The following MSI2 variants were observed in gnomAD, a reference collection of about 807,000 sequenced individuals.
MSI2 encodes RNA-binding protein Musashi homolog 2.
In MSI2, 17 loss-of-function variants were observed where a neutral mutation model predicts 45.6. That is an observed-to-expected ratio of 0.37 (90% CI 0.26 to 0.56). The LOEUF is 0.56. MSI2 is among the 20% of genes least tolerant of loss of function. The pLI, the probability that MSI2 is intolerant of heterozygous loss-of-function variation, is 0.77. For missense variants in MSI2, 293 were observed against 444.2 expected (o/e 0.66, Z 3.06); for synonymous variants, 156 against 158.2 (o/e 0.99, Z 0.11).
intron 8 of MSI2, among the ~76,000 whole-genome samples, chr17:57,606,900 G>A (rs992586025): frequency 1.3e-5 from 2 of 151,974 alleles, no homozygotes; most frequent in African/African-American, 4.8e-5. Flanking sequence ...GGTGATGGGG[G>A]GGGGTGGCTG....
chr17:57,454,438 C>CTT (rs35707042), intron 6 of MSI2, among the ~76,000 whole-genome samples: 2,122 of 130,104 alleles, frequency 0.016, 67 homozygotes, highest in African/African-American at 0.047. Flanking sequence ...TTTTCTCTTT[C>CTT]TTTTTTTTTT....
Position 57,529,602 on chromosome 17 carries a change from C to T in MSI2, c.406-74C>T, listed in dbSNP as rs573141293. The T allele has an allele frequency of 1.1e-4, 152 of 1,400,424 alleles. No individual in the cohort carries two copies. In the Middle Eastern group the frequency reaches 1.8e-3, roughly 16 times the overall value. The allele number at this position is 1,400,424 out of a possible 1,614,324, so 86.7% of individuals were successfully genotyped here. The stretch of plus-strand genomic sequence containing the variant: ...GTAATGGAAACTACCCCCTCACCCC[C>T]CGACATGCATATAATGTTTTGTGTA... On this transcript the variant is annotated intron_variant, in intron 6 of 13. Transcript: ENST00000284073. This position sits in a 1 kb window ranked among gnomAD's most constrained non-coding sequence, Gnocchi z 5.3.
intron 6 of MSI2, among the ~76,000 whole-genome samples, chr17:57,492,439 ATCTAAG>A (rs1246980239): frequency 2.0e-5 from 3 of 152,338 alleles, no homozygotes; most frequent in Middle Eastern, 3.4e-3. Flanking sequence ...TCAAATAGAT[ATCTAAG>A]TCTTTGGCAG....
intron 7 of MSI2, among the ~76,000 whole-genome samples, chr17:57,543,762 T>C (rs1025787980): frequency 2.6e-5 from 4 of 152,202 alleles, no homozygotes; most frequent in African/African-American, 9.6e-5. Context: ...TTTTCAAAAA[T>C]GGGTAAGATT....
intron 6 of MSI2, chr17:57,450,309 AAGAAAGAAAG>A (rs1450812926): frequency 6.3e-5 from 9 of 142,264 alleles, no homozygotes; most frequent in African/African-American, 1.3e-4. Flanking sequence ...GAAAGAAAGA[AAGAAAGAAAG>A]AAAACCTTTG....
At chr17:57,334,476 C>T (rs1458535184) in intron 5 of MSI2, among the ~76,000 whole-genome samples, 1 of 152,060 alleles carries the variant, frequency 6.6e-6, no homozygotes, top group Non-Finnish European at 1.5e-5. Context: ...CCTCTGAAAG[C>T]AACACTCCCC....
At chr17:57,696,497 T>C in the MSI2 span, among the ~76,000 whole-genome samples, 1 of 152,188 alleles carries the variant, frequency 6.6e-6, no homozygotes, top group Non-Finnish European at 1.5e-5. Context: ...CCCAATGTTT[T>C]GGGAGGCCAA....
intron 7 of MSI2, among the ~76,000 whole-genome samples, chr17:57,544,236 G>A (rs870780): frequency 0.64 from 96,803 of 152,008 alleles, 30,928 homozygotes; most frequent in Middle Eastern, 0.7. Context: ...CAAAATAGGA[G>A]AGAAGACACC....
intron 5 of MSI2, among the ~76,000 whole-genome samples, chr17:57,297,688 T>G (rs1255089813): frequency 6.6e-6 from 1 of 152,244 alleles, no homozygotes; most frequent in African/African-American, 2.4e-5. Flanking sequence ...TTACCCACAG[T>G]AGAACTTCTT....
In MSI2 at chr17:57,277,636, TG is replaced by T. The variant is rs144161247; in HGVS notation, c.312+15446del. ...GGCAGACAGTCTTAGGGTTTCTTTC[TG>T]GCATAATAGTTTCCTAGCTGCTTGA... On this transcript the variant is annotated intron_variant, in intron 5 of 13. Transcript: ENST00000284073. Among the ~76,000 whole-genome samples, 953 of 152,360 alleles carry T rather than the reference TG, an allele frequency of 6.3e-3. 4 individuals carry two copies. The highest frequency in any genetic ancestry group is 0.024 in the Middle Eastern group (7 of 294).
chr17:57,649,344 C>T (rs1426265104), intron 10 of MSI2, among the ~76,000 whole-genome samples: 1 of 151,104 alleles, frequency 6.6e-6, no homozygotes, highest in Non-Finnish European at 1.5e-5. Context: ...CCACATACGC[C>T]CAACACATAT....
At chr17:57,622,587 T>C (rs1022771298) in intron 9 of MSI2, among the ~76,000 whole-genome samples, 12 of 151,902 alleles carry the variant, frequency 7.9e-5, no homozygotes, top group African/African-American at 2.9e-4. Flanking sequence ...GGTGCAGTCG[T>C]ACTGAGAAGC....
At chr17:57,624,326 T>C (rs1396510660) in intron 9 of MSI2, among the ~76,000 whole-genome samples, 1 of 152,198 alleles carries the variant, frequency 6.6e-6, no homozygotes, top group African/African-American at 2.4e-5. Flanking sequence ...TTGCATATAA[T>C]CCATTTATCA....
intron 6 of MSI2, among the ~76,000 whole-genome samples, chr17:57,490,812 C>G (rs1274238223): frequency 6.6e-6 from 1 of 152,206 alleles, no homozygotes; most frequent in Non-Finnish European, 1.5e-5. Context: ...TCCAATCTTC[C>G]AGATTTTCTG....
In MSI2 at chr17:57,262,203, G is replaced by A. The variant is rs766301726; in HGVS notation, c.312+11G>A. 1.9e-6 allele frequency: 3 copies of A among 1,613,686 alleles called. No homozygotes were observed. Among genetic ancestry groups the A allele is most frequent in the Non-Finnish European group, 2.5e-6 (3 of 1,179,846 alleles). ...CGAGCGCAACCCAAGGTAAGTAGGAGAATAAACAGTAGGATTTTAGCACTC... is the reference window on the plus strand; with the variant it reads ...CGAGCGCAACCCAAGGTAAGTAGGAAAATAAACAGTAGGATTTTAGCACTC... On this transcript the variant is annotated intron_variant, in intron 5 of 13. Coordinates refer to ENST00000284073, the MANE Select transcript of MSI2 (RefSeq NM_138962.4).
intron 6 of MSI2, among the ~76,000 whole-genome samples, chr17:57,459,298 G>A (rs1319220455): frequency 6.6e-6 from 1 of 152,202 alleles, no homozygotes; most frequent in Non-Finnish European, 1.5e-5. Context: ...GGTGGGAAAG[G>A]AATGAGGTGA....
chr17:57,348,025 C>T (rs527295948), intron 5 of MSI2, among the ~76,000 whole-genome samples: 3 of 152,198 alleles, frequency 2.0e-5, no homozygotes, highest in Non-Finnish European at 4.4e-5. Flanking sequence ...TGCTGCGCTG[C>T]GTGTCCAGCC....
chr17:57,564,631 G>A (rs1289322580), intron 7 of MSI2, among the ~76,000 whole-genome samples: 1 of 152,192 alleles, frequency 6.6e-6, no homozygotes, highest in Non-Finnish European at 1.5e-5. Context: ...GACTATTTAG[G>A]GCATTTATGG....
At chr17:57,298,662 A>G (rs1911184629) in intron 5 of MSI2, among the ~76,000 whole-genome samples, 2 of 152,100 alleles carry the variant, frequency 1.3e-5, no homozygotes, top group South Asian at 4.1e-4. Context: ...CTCTGTCTCA[A>G]AAAAAAAGAG....
Sources: allele counts gnomAD v4.1 joint callset (sites outside exome capture counted in the v4.1 genomes callset), GRCh38; gene constraint gnomAD v4.1.1; non-coding constraint Gnocchi (gnomAD v3.1); transcripts MANE v1.5; gene names NCBI Gene and HGNC (gene_info 2026-07-23, HGNC 2026-07-21).